Variants in FOXJ3 observed in about 807,000 individuals in gnomAD.
FOXJ3 encodes forkhead box J3.
Under a neutral mutation model 76.1 loss-of-function variants are expected in FOXJ3, and 22 were observed. The observed-to-expected ratio is 0.29, with a 90% confidence interval of 0.21 to 0.41. FOXJ3 has a LOEUF of 0.41. FOXJ3 is among the 10% of genes least tolerant of loss of function. FOXJ3 has a pLI of 1.00. For synonymous variants in FOXJ3, 269 were observed against 261.2 expected (o/e 1.03, Z -0.29); for missense variants, 613 against 762.1 (o/e 0.80, Z 2.30).
intron 3 of FOXJ3, among the ~76,000 whole-genome samples, chr1:42,273,688 A>AG (rs1478421962): frequency 3.3e-5 from 5 of 151,588 alleles, no homozygotes; most frequent in Non-Finnish European, 7.4e-5. Flanking sequence ...AAAAAAAAAA[A>AG]AAAAAAATTG....
intron 4 of FOXJ3, among the ~76,000 whole-genome samples, chr1:42,243,815 CA>C (rs1344181414): frequency 6.6e-6 from 1 of 152,136 alleles, no homozygotes; most frequent in Non-Finnish European, 1.5e-5. Context: ...GCACTTAGAA[CA>C]AAAGGACCTA....
intron 4 of FOXJ3, among the ~76,000 whole-genome samples, chr1:42,232,613 T>C (rs1209860879): frequency 1.3e-5 from 2 of 151,760 alleles, no homozygotes; most frequent in East Asian, 3.9e-4. Context: ...GAAGTGTCTG[T>C]TCATATCCTT....
chr1:42,249,097 G>A (rs1302069733), intron 4 of FOXJ3, among the ~76,000 whole-genome samples: 1 of 152,016 alleles, frequency 6.6e-6, no homozygotes, highest in African/African-American at 2.4e-5. Context: ...CCATTTTACG[G>A]CTGCATAGTA....
At chr1:42,224,984 G>A (rs1467572868) in intron 5 of FOXJ3, among the ~76,000 whole-genome samples, 2 of 151,276 alleles carry the variant, frequency 1.3e-5, no homozygotes, top group East Asian at 3.9e-4. Context: ...GGCTGAGGCA[G>A]GAGGATCAAC....
intron 2 of FOXJ3, among the ~76,000 whole-genome samples, chr1:42,302,711 T>C (rs1196778963): frequency 6.6e-6 from 1 of 152,270 alleles, no homozygotes; most frequent in African/African-American, 2.4e-5. Flanking sequence ...TTGCCTATGA[T>C]AAGCTTATTA....
chr1:42,291,943 A>T (rs1331334142), intron 2 of FOXJ3, among the ~76,000 whole-genome samples: 1 of 152,140 alleles, frequency 6.6e-6, no homozygotes, highest in Non-Finnish European at 1.5e-5. Context: ...CGAGGGCAGG[A>T]GCCGGATGGG....
At chr1:42,330,086 G>A (rs72962242) in intron 1 of FOXJ3, among the ~76,000 whole-genome samples, 8,942 of 151,988 alleles carry the variant, frequency 0.059, 291 homozygotes, top group South Asian at 0.093. Flanking sequence ...TAAAATCTAC[G>A]ATATATTTAT....
intron 5 of FOXJ3, among the ~76,000 whole-genome samples, chr1:42,221,527 C>A (rs1377709214): frequency 6.6e-6 from 1 of 152,054 alleles, no homozygotes; most frequent in African/African-American, 2.4e-5. Flanking sequence ...ACAATCATGG[C>A]TCACTGCAAC....
chr1:42,236,375 T>C (rs1648629374), intron 4 of FOXJ3, among the ~76,000 whole-genome samples: 1 of 152,158 alleles, frequency 6.6e-6, no homozygotes, highest in Non-Finnish European at 1.5e-5. Context: ...CTTTATCTTT[T>C]TGTAGAGACA....
At chr1:42,325,854 A>G (rs1048126419) in intron 1 of FOXJ3, among the ~76,000 whole-genome samples, 6 of 152,162 alleles carry the variant, frequency 3.9e-5, no homozygotes, top group Non-Finnish European at 7.4e-5. Flanking sequence ...CACTTAATAC[A>G]CTCACAACTT....
chr1:42,225,953 T>A (rs1313885555), intron 5 of FOXJ3, among the ~76,000 whole-genome samples: 2 of 152,178 alleles, frequency 1.3e-5, no homozygotes, highest in Non-Finnish European at 2.9e-5. Context: ...CGGACAGTTG[T>A]TCGCCCAATT....
rs1046204742 is a variant in FOXJ3 at position 42,177,315 on chromosome 1, G to C, written c.*2395C>G. The C allele has an allele frequency of 2.6e-5, 4 of 152,616 alleles. No homozygotes were observed. Among genetic ancestry groups the C allele is most frequent in the Non-Finnish European group, 5.9e-5 (4 of 68,032 alleles). 9.5% of individuals were successfully genotyped at this position (152,616 alleles called of 1,614,324 possible). On this transcript the variant is annotated 3_prime_UTR_variant, in exon 13 of 13. Transcript: ENST00000361346. Reference sequence around the variant, plus strand: ...AAATCAGTAAATGATTGCCAAATGGGAAATTCGCTTCACACAATTTATAAA... The same window carrying C: ...AAATCAGTAAATGATTGCCAAATGGCAAATTCGCTTCACACAATTTATAAA...
intron 1 of FOXJ3, among the ~76,000 whole-genome samples, chr1:42,325,982 T>G (rs1013843842): frequency 6.6e-6 from 1 of 152,240 alleles, no homozygotes; most frequent in African/African-American, 2.4e-5. Context: ...AAAATCAGGC[T>G]GGGCACTGTG....
intron 4 of FOXJ3, among the ~76,000 whole-genome samples, chr1:42,234,783 C>T (rs1040444093): frequency 2.0e-5 from 3 of 152,114 alleles, no homozygotes; most frequent in African/African-American, 7.2e-5. Context: ...GAGTACCTGG[C>T]CGTGTGAGGT....
chr1:42,261,513 C>T (rs1651036800), intron 4 of FOXJ3, among the ~76,000 whole-genome samples: 1 of 151,938 alleles, frequency 6.6e-6, no homozygotes, highest in South Asian at 2.1e-4. Flanking sequence ...ATTTTAAGGG[C>T]TTTTACGACA....
intron 4 of FOXJ3, among the ~76,000 whole-genome samples, chr1:42,247,598 C>T (rs1649651810): frequency 6.6e-6 from 1 of 152,112 alleles, no homozygotes; most frequent in Non-Finnish European, 1.5e-5. Context: ...TCATTTTATA[C>T]CCGCAAGGAT....
chr1:42,307,739 T>C (rs1015585352), intron 2 of FOXJ3, among the ~76,000 whole-genome samples: 1 of 152,180 alleles, frequency 6.6e-6, no homozygotes, highest in African/African-American at 2.4e-5. Flanking sequence ...ACAAACTACT[T>C]TGCAGCCATT....
At chr1:42,185,633 G>C (rs1646420364) in intron 11 of FOXJ3, among the ~76,000 whole-genome samples, 1 of 152,048 alleles carries the variant, frequency 6.6e-6, no homozygotes, top group South Asian at 2.1e-4. Context: ...CCAATACAAA[G>C]CTAGACACAG....
intron 11 of FOXJ3, among the ~76,000 whole-genome samples, chr1:42,184,878 C>T (rs1023546262): frequency 2.0e-5 from 3 of 151,954 alleles, no homozygotes; most frequent in African/African-American, 7.3e-5. Flanking sequence ...GTACAAAGGC[C>T]CTGTTTAGGT....
Sources: gnomAD v4.1 joint callset for allele counts (sites outside exome capture counted in the v4.1 genomes callset) on GRCh38, gnomAD v4.1.1 for gene constraint, MANE v1.5 for transcripts, NCBI Gene and HGNC (gene_info 2026-07-23, HGNC 2026-07-21) for gene names.